CXCL16: variants seen among roughly 807,000 people sequenced by gnomAD.
CXCL16 encodes the protein C-X-C motif chemokine 16.
A neutral mutation model predicts 23.8 loss-of-function variants in CXCL16; 18 were observed. The ratio of observed to expected loss-of-function variants is 0.76; its 90% CI spans 0.52 to 1.12. The LOEUF (loss-of-function observed/expected upper bound fraction) is 1.12, where lower values mean the gene tolerates loss of function less well. Ranked by LOEUF, CXCL16 falls within the 50% of genes most tolerant of loss-of-function variation. The pLI is 0.00. For missense variants in CXCL16, 297 were observed against 315.4 expected (o/e 0.94, Z 0.44); for synonymous variants, 123 against 132.5 (o/e 0.93, Z 0.49).
Position 4,738,284 on chromosome 17 carries a change from C to T in CXCL16, c.301+124G>A, listed in dbSNP as rs1171282346. Reference sequence around the variant, plus strand: ...GGGACTCGAGTCTAAGTACTTTGGACAGGATCAGAAGAAGGTTCTAGGAAT... The same window carrying T: ...GGGACTCGAGTCTAAGTACTTTGGATAGGATCAGAAGAAGGTTCTAGGAAT... On this transcript the variant is annotated intron_variant, in intron 3 of 5. Transcript: ENST00000293778. The surrounding 1 kb of genome is among the most constrained non-coding windows in gnomAD (Gnocchi z 4.0). 4 of 726,630 alleles carry T rather than the reference C, an allele frequency of 5.5e-6. No homozygotes were observed. In the East Asian group the frequency reaches 1.1e-4, roughly 20 times the overall value. 45.0% of individuals were successfully genotyped at this position (726,630 alleles called of 1,614,324 possible).
At chr17:4,737,976 A>G (rs1299457468) in intron 3 of CXCL16, among the ~76,000 whole-genome samples, 1 of 151,340 alleles carries the variant, frequency 6.6e-6, no homozygotes, top group Non-Finnish European at 1.5e-5. Context: ...CTAAAAATAC[A>G]AAAATTAGCC....
chr17:4,738,580 A>G lies in CXCL16; in HGVS notation c.219-90T>C. On this transcript the variant is annotated intron_variant, in intron 2 of 5. Transcript: ENST00000293778. The surrounding 1 kb of genome is among the most constrained non-coding windows in gnomAD (Gnocchi z 4.0). Reference sequence around the variant, plus strand: ...CCAGAGGCGTGAAGTTGCCACCAAGAAAGAGCCCTTTCTCCTGGGACTGGG... The same window carrying G: ...CCAGAGGCGTGAAGTTGCCACCAAGGAAGAGCCCTTTCTCCTGGGACTGGG... The G allele has an allele frequency of 8.8e-7, 1 of 1,133,098 alleles. No homozygotes were observed. The highest frequency in any genetic ancestry group is 1.3e-6 in the Non-Finnish European group (1 of 778,926). The allele number at this position is 1,133,098 out of a possible 1,614,324, so 70.2% of individuals were successfully genotyped here. A position where few individuals can be genotyped will look rare whatever the true frequency, so the allele number is the denominator to read the frequency against.
Position 4,739,912 on chromosome 17 carries a change from C to T in CXCL16, c.-573G>A. On this transcript the variant is annotated 5_prime_UTR_variant, in exon 1 of 6. Coordinates refer to ENST00000293778, the MANE Select transcript of CXCL16 (RefSeq NM_001386809.1). This position sits in a 1 kb window ranked among gnomAD's most constrained non-coding sequence, Gnocchi z 5.3. ...CCGGCCGCGCGCACCTGCGGGGCAG[C>T]CACCCGCGGACGCACCGAGCCCGGG... 1 of 985,364 alleles carries T rather than the reference C, an allele frequency of 1.0e-6. No homozygotes were observed. Among genetic ancestry groups the T allele is most frequent in the Non-Finnish European group, 1.2e-6 (1 of 830,034 alleles). The allele number at this position is 985,364 out of a possible 1,614,324, so 61.0% of individuals were successfully genotyped here. A position where few individuals can be genotyped will look rare whatever the true frequency, so the allele number is the denominator to read the frequency against.
In CXCL16 at chr17:4,739,666, G is replaced by T; in HGVS notation, c.-327C>A. ...GAAGAAACCGAAAGAAAACTCCGGC[G>T]GCGGGCGAGGAGGGGCGGGAGGACG... is the stretch of plus-strand genomic sequence containing the variant. On this transcript the variant is annotated 5_prime_UTR_variant, in exon 1 of 6. Transcript: ENST00000293778. The surrounding 1 kb of genome is among the most constrained non-coding windows in gnomAD (Gnocchi z 5.3). 1.4e-6 allele frequency: 1 copy of T among 710,312 alleles called. No homozygotes were observed. The highest frequency in any genetic ancestry group is 2.1e-6 in the Non-Finnish European group (1 of 480,106). The allele number at this position is 710,312 out of a possible 1,614,324, so 44.0% of individuals were successfully genotyped here. A position where few individuals can be genotyped will look rare whatever the true frequency, so the allele number is the denominator to read the frequency against.
rs756282432 is a variant in CXCL16 at position 4,735,313 on chromosome 17, C to A, written c.497G>T (p.Arg166Leu). 6.2e-7 allele frequency: 1 copy of A among 1,613,288 alleles called. No individual in the cohort carries two copies. The highest frequency in any genetic ancestry group is 8.5e-7 in the Non-Finnish European group (1 of 1,179,534). Residue 166 changes from arginine (R) to leucine (L), a missense_variant, in exon 4 of 6, where the codon CGT (arginine) becomes CTT (leucine). Coordinates refer to ENST00000293778, the MANE Select transcript of CXCL16 (RefSeq NM_001386809.1). ...AGTGTGAATGGTGGTTTCATTGGGA[C>A]GAGTGAGCTCTTTGTCCGAGGACAG... ...GSLSSDKELT[R>L]PNETTIHTAG... is the part of the protein sequence containing the mutation.
At position 4,738,369 on chromosome 17, in the gene CXCL16, C is replaced by T. The variant is rs1383832948; in HGVS notation, c.301+39G>A. On this transcript the variant is annotated intron_variant, in intron 3 of 5. Coordinates refer to ENST00000293778, the MANE Select transcript of CXCL16 (RefSeq NM_001386809.1). This position sits in a 1 kb window ranked among gnomAD's most constrained non-coding sequence, Gnocchi z 4.0. ...AACTGTCAGGTGGAAGCTGCTAAGC[C>T]CTGGAGGCAGAGCCTGAAGAGCAGT... is the stretch of plus-strand genomic sequence containing the variant. The T allele has an allele frequency of 6.5e-7, 1 of 1,527,702 alleles. No individual in the cohort carries two copies. The highest frequency in any genetic ancestry group is 9.1e-7 in the Non-Finnish European group (1 of 1,100,982). The allele number at this position is 1,527,702 out of a possible 1,614,324, so 94.6% of individuals were successfully genotyped here.
At position 4,739,855 on chromosome 17, in the gene CXCL16, G is replaced by A; in HGVS notation, c.-516C>T. 1.0e-6 allele frequency: 1 copy of A among 987,136 alleles called. No individual in the cohort carries two copies. The highest frequency in any genetic ancestry group is 1.2e-6 in the Non-Finnish European group (1 of 831,066). 61.1% of individuals were successfully genotyped at this position (987,136 alleles called of 1,614,324 possible). Reference sequence around the variant, plus strand: ...CCCAGCCGCGCTGCATGAGCCTCCCGGGCGGCCCGGTGGAGAGAGTCGCCG... The same window carrying A: ...CCCAGCCGCGCTGCATGAGCCTCCCAGGCGGCCCGGTGGAGAGAGTCGCCG... On this transcript the variant is annotated 5_prime_UTR_variant, in exon 1 of 6. Transcript: ENST00000293778. This position sits in a 1 kb window ranked among gnomAD's most constrained non-coding sequence, Gnocchi z 5.3.
At chr17:4,735,030 G>T in intron 4 of CXCL16, 62 bp downstream of exon 4, 1 of 1,502,912 alleles carries the variant, frequency 6.7e-7, no homozygotes, top group South Asian at 1.2e-5. Flanking sequence ...GAGCCACTGG[G>T]TCAGGATGCC....
At chr17:4,736,354 G>A (rs1011328774) in intron 3 of CXCL16, 5 of 152,288 alleles carry the variant, frequency 3.3e-5, no homozygotes, top group African/African-American at 1.2e-4. Context: ...CTCCAACAGA[G>A]GGAAGAGTGA....
chr17:4,734,329 T>C lies in CXCL16; in HGVS notation c.*174A>G, dbSNP rs1157441847. 1.3e-5 allele frequency: 4 copies of C among 313,740 alleles called. 1 individual carries two copies. The South Asian group carries it at 1.5e-4, about 12-fold the overall frequency. 19.4% of individuals were successfully genotyped at this position (313,740 alleles called of 1,614,324 possible). ...AAATGAGGGGCCTAAGAGAGGGCAG[T>C]GGCTGGTTAGTCCTATGTTAGATAT... On this transcript the variant is annotated 3_prime_UTR_variant, in exon 6 of 6. Transcript: ENST00000293778.
chr17:4,739,084 T>C lies in CXCL16; in HGVS notation c.80-164A>G, dbSNP rs1169316253. 21 of 1,192,326 alleles carry C rather than the reference T, an allele frequency of 1.8e-5. No individual in the cohort carries two copies. The highest frequency in any genetic ancestry group is 2.2e-5 in the Non-Finnish European group (19 of 861,854). 73.9% of individuals were successfully genotyped at this position (1,192,326 alleles called of 1,614,324 possible). A position where few individuals can be genotyped will look rare whatever the true frequency, so the allele number is the denominator to read the frequency against. ...ATCACGCCCCCGACAACATCCATAA[T>C]CCCGCCCGGAGCCAGGCGTCCCCGG... is the stretch of plus-strand genomic sequence containing the variant. On this transcript the variant is annotated intron_variant, in intron 1 of 5. Coordinates refer to ENST00000293778, the MANE Select transcript of CXCL16 (RefSeq NM_001386809.1). The surrounding 1 kb of genome is among the most constrained non-coding windows in gnomAD (Gnocchi z 5.3).
At chr17:4,736,668 A>C (rs1916165087) in intron 3 of CXCL16, among the ~76,000 whole-genome samples, 1 of 152,228 alleles carries the variant, frequency 6.6e-6, no homozygotes, top group Admixed American at 6.5e-5. Flanking sequence ...AGGTCTAGGC[A>C]GACTTAAAGG....
chr17:4,738,261 G>A lies in CXCL16; in HGVS notation c.301+147C>T, dbSNP rs960896242. ...ATGATCACCCCGTTTGGCAAACAGG[G>A]ACTCGAGTCTAAGTACTTTGGACAG... On this transcript the variant is annotated intron_variant, in intron 3 of 5. Coordinates refer to ENST00000293778, the MANE Select transcript of CXCL16 (RefSeq NM_001386809.1). This position sits in a 1 kb window ranked among gnomAD's most constrained non-coding sequence, Gnocchi z 4.0. 4.9e-5 allele frequency: 31 copies of A among 633,562 alleles called. No homozygotes were observed. Among genetic ancestry groups the A allele is most frequent in the African/African-American group, 4.3e-4 (23 of 53,622 alleles). 39.2% of individuals were successfully genotyped at this position (633,562 alleles called of 1,614,324 possible).
chr17:4,734,993 G>T, intron 4 of CXCL16, 99 bp downstream of exon 4: 1 of 1,184,066 alleles, frequency 8.4e-7, no homozygotes, highest in Non-Finnish European at 1.2e-6. Flanking sequence ...ATACTTGTGT[G>T]CCAAGGCCAG....
At chr17:4,734,707 G>A in intron 4 of CXCL16, 55 bp from the exon 5 acceptor site, 1 of 1,446,210 alleles carries the variant, frequency 6.9e-7, no homozygotes, top group South Asian at 1.1e-5. Flanking sequence ...ACAGTGTTTG[G>A]GGGATGATAG....
In CXCL16 at chr17:4,739,089, C is replaced by A. The variant is rs1916257722; in HGVS notation, c.80-169G>T. On this transcript the variant is annotated intron_variant, in intron 1 of 5. Coordinates refer to ENST00000293778, the MANE Select transcript of CXCL16 (RefSeq NM_001386809.1). This position sits in a 1 kb window ranked among gnomAD's most constrained non-coding sequence, Gnocchi z 5.3. ...GCCCCCGACAACATCCATAATCCCG[C>A]CCGGAGCCAGGCGTCCCCGGGCCTC... is the stretch of plus-strand genomic sequence containing the variant. The A allele has an allele frequency of 1.2e-5, 14 of 1,207,540 alleles. No individual in the cohort carries two copies. The highest frequency in any genetic ancestry group is 1.6e-5 in the Non-Finnish European group (14 of 873,300). 74.8% of individuals were successfully genotyped at this position (1,207,540 alleles called of 1,614,324 possible). A position where few individuals can be genotyped will look rare whatever the true frequency, so the allele number is the denominator to read the frequency against.
chr17:4,738,429 T>C lies in CXCL16; in HGVS notation c.280A>G (p.Met94Val). The stretch of plus-strand genomic sequence containing the variant: ...TCACCTTTGAGATCAAGACAGCTCA[T>C]CAATTCCTGAACCCATGGGTCCTTG... ...GNKDPWVQEL[M>V]SCLDLKECGH... is the part of the protein sequence containing the mutation. The change falls in exon 3 of 6, where the codon ATG becomes GTG. Residue 94 changes from methionine (M) to valine (V), a missense_variant. Coordinates refer to ENST00000293778, the MANE Select transcript of CXCL16 (RefSeq NM_001386809.1). This position sits in a 1 kb window ranked among gnomAD's most constrained non-coding sequence, Gnocchi z 4.0. 6.2e-7 allele frequency: 1 copy of C among 1,613,984 alleles called. No homozygotes were observed. The highest frequency in any genetic ancestry group is 8.5e-7 in the Non-Finnish European group (1 of 1,179,856).
Position 4,739,418 on chromosome 17 carries a change from C to T in CXCL16, c.-79G>A, listed in dbSNP as rs1236495568. On this transcript the variant is annotated 5_prime_UTR_variant, in exon 1 of 6. Transcript: ENST00000293778. This position sits in a 1 kb window ranked among gnomAD's most constrained non-coding sequence, Gnocchi z 5.3. Reference sequence around the variant, plus strand: ...ACATGCTCCGGCGCGTGACGTCCAGCTGGTGTCTCAATGGCTTTCGCCGGG... The same window carrying T: ...ACATGCTCCGGCGCGTGACGTCCAGTTGGTGTCTCAATGGCTTTCGCCGGG... The T allele has an allele frequency of 6.2e-7, 1 of 1,606,272 alleles. No homozygotes were observed.
chr17:4,738,447 G>C lies in CXCL16; in HGVS notation c.262C>G (p.Pro88Ala), dbSNP rs149830899. The change falls in exon 3 of 6, where the codon CCA becomes GCA. Residue 88 changes from proline (P) to alanine (A), a missense_variant. By Grantham distance (27) the Pro-to-Ala change is conservative (BLOSUM62 -1). Transcript: ENST00000293778. This position sits in a 1 kb window ranked among gnomAD's most constrained non-coding sequence, Gnocchi z 4.0. Reference protein sequence around the residue: ...SWSVCGGNKDPWVQELMSCLD... With the variant: ...SWSVCGGNKDAWVQELMSCLD... ...CAGCTCATCAATTCCTGAACCCATG[G>C]GTCCTTGTTGCCCCCACACACGCTC... The C allele has an allele frequency of 6.9e-5, 111 of 1,614,104 alleles. No homozygotes were observed. The highest frequency in any genetic ancestry group is 4.9e-4 in the Middle Eastern group (3 of 6,062).
Sources: gnomAD v4.1 joint callset for allele counts (sites outside exome capture counted in the v4.1 genomes callset) on GRCh38, gnomAD v4.1.1 for gene constraint, Gnocchi (gnomAD v3.1) non-coding constraint, MANE v1.5 for transcripts, NCBI Gene and HGNC (gene_info 2026-07-23, HGNC 2026-07-21) for gene names.